The following SPECC1 variants were observed in gnomAD, a reference collection of about 807,000 sequenced individuals.
SPECC1 encodes the protein sperm antigen with calponin homology and coiled-coil domains 1, also known as cytospin-B.
SPECC1 carries 62 observed loss-of-function variants against 104.1 expected under a neutral mutation model. The observed-to-expected ratio is 0.60, with a 90% CI of 0.49 to 0.74. The LOEUF is 0.74. SPECC1 is among the 30% of genes least tolerant of loss of function. SPECC1 has a pLI of 0.00. For missense variants in SPECC1, 1,306 were observed against 1,310.5 expected, an observed-to-expected ratio of 1.00 and a Z score of 0.05; for synonymous variants, 513 against 501.6, an observed-to-expected ratio of 1.02 and a Z score of -0.30.
At chr17:20,100,100 T>A (rs2047872393) in intron 2 of SPECC1, among the ~76,000 whole-genome samples, 1 of 152,252 alleles carries the variant, frequency 6.6e-6, no homozygotes, top group South Asian at 2.1e-4. Flanking sequence ...TGTTAATTTT[T>A]AAAATTAATG....
intron 14 of SPECC1, among the ~76,000 whole-genome samples, chr17:20,307,385 T>C (rs1436169823): frequency 6.6e-6 from 1 of 152,346 alleles, no homozygotes; most frequent in East Asian, 1.9e-4. Context: ...GCTTGTTCTT[T>C]GTGGTTGAAG....
rs147182143 is a variant in SPECC1, at chr17:20,218,244, C to T, written c.1864-9169C>T. ...CTTTTACTGTTACATGTTCCAGGCA[C>T]TATGATAAACTCTCCAAGTCATTAT... On this transcript the variant is annotated intron_variant, in intron 4 of 14. Transcript: ENST00000395527. 2.4e-4 allele frequency among the ~76,000 whole-genome samples: 36 copies of T among 152,266 alleles called. No individual in the cohort carries two copies. In the Middle Eastern group the frequency reaches 0.01, roughly 43 times the overall value.
At chr17:20,034,929 A>G (rs553989885) in intron 1 of SPECC1, among the ~76,000 whole-genome samples, 4 of 152,138 alleles carry the variant, frequency 2.6e-5, no homozygotes, top group East Asian at 3.9e-4. Context: ...TTATAGATGT[A>G]TATCTTATGT....
intron 1 of SPECC1, among the ~76,000 whole-genome samples, chr17:20,024,752 C>A (rs2044533784): frequency 6.6e-6 from 1 of 152,136 alleles, no homozygotes; most frequent in Non-Finnish European, 1.5e-5. Context: ...GACTCTGACA[C>A]TGGCTTGTGG....
At chr17:20,013,616 C>T (rs183969192) in intron 1 of SPECC1, among the ~76,000 whole-genome samples, 405 of 152,324 alleles carry the variant, frequency 2.7e-3, no homozygotes, top group Non-Finnish European at 4.9e-3. Flanking sequence ...ATTCTCCCAA[C>T]CCAGCCTCCC....
At chr17:20,282,698 G>A (rs1438645889) in intron 12 of SPECC1, among the ~76,000 whole-genome samples, 1 of 152,170 alleles carries the variant, frequency 6.6e-6, no homozygotes, top group Non-Finnish European at 1.5e-5. Flanking sequence ...CCGTAGCGTT[G>A]CAGAAGCAAA....
At chr17:20,096,199 A>G in intron 1 of SPECC1, among the ~76,000 whole-genome samples, 1 of 152,220 alleles carries the variant, frequency 6.6e-6, no homozygotes, top group East Asian at 1.9e-4. Flanking sequence ...GAATTCTTTC[A>G]AGTAATTCAT....
intron 1 of SPECC1, among the ~76,000 whole-genome samples, chr17:20,065,542 C>T (rs971236490): frequency 2.0e-5 from 3 of 152,218 alleles, no homozygotes; most frequent in Non-Finnish European, 2.9e-5. Flanking sequence ...AGAGCTTCCA[C>T]GCCTTCCCTG....
chr17:20,020,678 T>C (rs2044339993), intron 1 of SPECC1, among the ~76,000 whole-genome samples: 1 of 152,200 alleles, frequency 6.6e-6, no homozygotes, highest in South Asian at 2.1e-4. Context: ...ATTGAATTAA[T>C]TATATTCTCA....
chr17:20,156,172 C>T (rs2032484212), intron 3 of SPECC1: 2 of 1,441,532 alleles, frequency 1.4e-6, no homozygotes, highest in African/African-American at 1.5e-5. Context: ...GCCGGCAAGC[C>T]GGCTGGTGCC....
At chr17:20,253,822 C>G (rs1157868841) in intron 10 of SPECC1, among the ~76,000 whole-genome samples, 1 of 151,960 alleles carries the variant, frequency 6.6e-6, no homozygotes, top group Non-Finnish European at 1.5e-5. Flanking sequence ...GGAGACAGGC[C>G]CAATTTTTTT....
At chr17:20,167,913 C>T (rs1322872367) in intron 3 of SPECC1, among the ~76,000 whole-genome samples, 2 of 152,098 alleles carry the variant, frequency 1.3e-5, no homozygotes, top group East Asian at 3.8e-4. Flanking sequence ...TACATTTAAT[C>T]TATGTCTGTT....
At chr17:20,116,639 TG>T (rs1403746647) in intron 3 of SPECC1, among the ~76,000 whole-genome samples, 2 of 152,066 alleles carry the variant, frequency 1.3e-5, no homozygotes, top group African/African-American at 4.8e-5. Context: ...GTAATAAGGA[TG>T]TCTGAATTAT....
In SPECC1 at chr17:20,260,223, G is replaced by T. The variant is rs1044870110; in HGVS notation, c.2869G>T (p.Ala957Ser). 1 of 1,613,902 alleles carries T rather than the reference G, an allele frequency of 6.2e-7. No individual in the cohort carries two copies. Among genetic ancestry groups the T allele is most frequent in the Non-Finnish European group, 8.5e-7 (1 of 1,179,866 alleles). Reference protein sequence around the residue: ...VERKDPLAALAREYGGSKRNA... With the variant: ...VERKDPLAALSREYGGSKRNA... ...AAGAAAAGACCCTCTGGCAGCCTTG[G>T]CCCGGGAATACGGTGGTTCCAAGCG... Residue 957 changes from alanine (A) to serine (S), a missense_variant, in exon 12 of 15, where the codon GCC becomes TCC. Coordinates refer to ENST00000395527, the MANE Select transcript of SPECC1 (RefSeq NM_001243439.2).
At chr17:20,021,994 T>G (rs2044409064) in intron 1 of SPECC1, among the ~76,000 whole-genome samples, 1 of 151,806 alleles carries the variant, frequency 6.6e-6, no homozygotes, top group Non-Finnish European at 1.5e-5. Context: ...CAGGCTGGAG[T>G]GCAGTGGCAT....
At chr17:20,144,825 A>G (rs2031275060) in intron 3 of SPECC1, among the ~76,000 whole-genome samples, 1 of 152,206 alleles carries the variant, frequency 6.6e-6, no homozygotes, top group Non-Finnish European at 1.5e-5. Flanking sequence ...TGGGCAGATA[A>G]TAGAGGTGTC....
At chr17:20,209,957 T>G (rs2037028340) in intron 4 of SPECC1, among the ~76,000 whole-genome samples, 1 of 152,244 alleles carries the variant, frequency 6.6e-6, no homozygotes, top group Non-Finnish European at 1.5e-5. Context: ...TAGTTCTTTC[T>G]GCAGAAACTT....
intron 3 of SPECC1, among the ~76,000 whole-genome samples, chr17:20,185,464 GC>G (rs1325030091): frequency 6.6e-6 from 1 of 152,216 alleles, no homozygotes; most frequent in Admixed American, 6.5e-5. Context: ...TGGTGCTCCA[GC>G]CCACAGTCCG....
intron 3 of SPECC1, among the ~76,000 whole-genome samples, chr17:20,151,832 T>C (rs1483216501): frequency 6.6e-6 from 1 of 152,186 alleles, no homozygotes; most frequent in Non-Finnish European, 1.5e-5. Context: ...GTGGATCACC[T>C]GAGGTCAGGA....
Sources: gnomAD v4.1 joint callset for allele counts (sites outside exome capture counted in the v4.1 genomes callset) on GRCh38, gnomAD v4.1.1 for gene constraint, MANE v1.5 for transcripts, NCBI Gene and HGNC (gene_info 2026-07-23, HGNC 2026-07-21) for gene names.